Variants in SORCS2 observed in about 807,000 individuals in gnomAD.
SORCS2 encodes the protein sortilin related VPS10 domain containing receptor 2, also known as VPS10 domain-containing receptor SorCS2.
SORCS2 carries 100 observed loss-of-function variants against 141.6 expected under a neutral mutation model. That is an observed-to-expected ratio of 0.71 (90% CI 0.60 to 0.83). SORCS2 has a LOEUF of 0.83. Ranked by LOEUF, SORCS2 falls within the 40% of genes least tolerant of loss-of-function variation. SORCS2 has a pLI of 0.00. For missense variants in SORCS2, 1,646 were observed against 1,560.2 expected, an observed-to-expected ratio of 1.05 and a Z score of -0.93; for synonymous variants, 789 against 676.9, an observed-to-expected ratio of 1.17 and a Z score of -2.57.
At chr4:7,720,177 G>A (rs1726494608) in intron 18 of SORCS2, among the ~76,000 whole-genome samples, 1 of 152,266 alleles carries the variant, frequency 6.6e-6, no homozygotes, top group South Asian at 2.1e-4. Context: ...ACTGGGTTTA[G>A]GGGAGTCTAA....
At chr4:7,528,037 CTCTCTGTCTCTCTCTG>C (rs1560358737) in intron 2 of SORCS2, among the ~76,000 whole-genome samples, 7 of 149,460 alleles carry the variant, frequency 4.7e-5, no homozygotes, top group Non-Finnish European at 1.0e-4. Flanking sequence ...CTCTGTCTCT[CTCTCTGTCTCTCTCTG>C]TCTCTCTCTC....
At chr4:7,590,846 T>C (rs1716869667) in intron 3 of SORCS2, among the ~76,000 whole-genome samples, 1 of 152,252 alleles carries the variant, frequency 6.6e-6, no homozygotes, top group African/African-American at 2.4e-5. Flanking sequence ...AAATGTGTCT[T>C]GTGTTAGACC....
chr4:7,426,611 A>T (rs1213110550), intron 2 of SORCS2, among the ~76,000 whole-genome samples: 1 of 152,124 alleles, frequency 6.6e-6, no homozygotes, highest in African/African-American at 2.4e-5. Flanking sequence ...CCCGATGGAA[A>T]TAGCACATGT....
At chr4:7,724,480 G>GTGATGA (rs147164731) in intron 19 of SORCS2, among the ~76,000 whole-genome samples, 762 of 71,462 alleles carry the variant, frequency 0.011, 30 homozygotes, top group Non-Finnish European at 0.013. Context: ...GGTGATGGTG[G>GTGATGA]TGATGGTGGT....
intron 22 of SORCS2, among the ~76,000 whole-genome samples, chr4:7,728,964 G>A (rs1192512625): frequency 6.6e-6 from 1 of 152,190 alleles, no homozygotes; most frequent in Admixed American, 6.5e-5. Context: ...GCCACCTGAG[G>A]CTATCACAGG....
chr4:7,578,606 G>A (rs1413230392), intron 3 of SORCS2, among the ~76,000 whole-genome samples: 1 of 152,188 alleles, frequency 6.6e-6, no homozygotes, highest in Non-Finnish European at 1.5e-5. Context: ...TACATGTAAA[G>A]TGTGTCTAAT....
chr4:7,659,659 C>A (rs1722026010), intron 5 of SORCS2, among the ~76,000 whole-genome samples: 1 of 152,154 alleles, frequency 6.6e-6, no homozygotes, highest in African/African-American at 2.4e-5. Flanking sequence ...ACTGGAAAAG[C>A]CAGGAGAGAG....
rs57093115 is a variant in SORCS2 at position 7,303,610 on chromosome 4, C to T, written c.481-92678C>T. ...GGCGTTTGGTGATGGTCTTGGCACC[C>T]TGCAAACCATTCTGGGAGCTGAGGT... On this transcript the variant is annotated intron_variant, in intron 1 of 26. Coordinates refer to ENST00000507866, the MANE Select transcript of SORCS2 (RefSeq NM_020777.3). 3.9e-3 allele frequency among the ~76,000 whole-genome samples: 588 copies of T among 152,328 alleles called. 7 individuals carry two copies. Among genetic ancestry groups the T allele is most frequent in the African/African-American group, 0.013 (556 of 41,570 alleles).
chr4:7,607,019 G>A (rs756329728), intron 3 of SORCS2, among the ~76,000 whole-genome samples: 7 of 152,134 alleles, frequency 4.6e-5, no homozygotes, highest in Non-Finnish European at 8.8e-5. Context: ...TCTCTGAAGC[G>A]ATTTCACTAC....
chr4:7,626,070 C>T (rs1302630991), intron 3 of SORCS2, among the ~76,000 whole-genome samples: 1 of 152,008 alleles, frequency 6.6e-6, no homozygotes, highest in Non-Finnish European at 1.5e-5. Context: ...TGGCTTAAGT[C>T]CAGGAGGCAG....
intron 8 of SORCS2, among the ~76,000 whole-genome samples, chr4:7,672,090 C>A (rs929521801): frequency 6.6e-6 from 1 of 151,892 alleles, no homozygotes; most frequent in African/African-American, 2.4e-5. Flanking sequence ...ATTACAGGTG[C>A]CTGCCACCAT....
chr4:7,356,721 C>T lies in SORCS2; in HGVS notation c.481-39567C>T, dbSNP rs112256299. Among the ~76,000 whole-genome samples, 1,296 of 152,352 alleles carry T rather than the reference C, an allele frequency of 8.5e-3. 19 individuals are homozygous for T. Among genetic ancestry groups the T allele is most frequent in the African/African-American group, 0.03 (1,235 of 41,576 alleles). On this transcript the variant is annotated intron_variant, in intron 1 of 26. Coordinates refer to ENST00000507866, the MANE Select transcript of SORCS2 (RefSeq NM_020777.3). ...GCCCCTCTCTGTGCTGTAACATAGG[C>T]TTCATAAGTGCAGGCCTGGCTGTCC...
intron 1 of SORCS2, among the ~76,000 whole-genome samples, chr4:7,390,403 C>T (rs114739786): frequency 2.5e-3 from 379 of 152,264 alleles, no homozygotes; most frequent in African/African-American, 8.7e-3. Context: ...ACGTTTCTTG[C>T]TTCTTGTCTT....
intron 11 of SORCS2, among the ~76,000 whole-genome samples, chr4:7,695,708 A>G (rs866751513): frequency 0.044 from 56 of 1,282 alleles, 2 homozygotes; most frequent in Non-Finnish European, 0.1. Flanking sequence ...GGGTGGGTGG[A>G]TGGATGGATG....
chr4:7,193,001 C>T lies in SORCS2; in HGVS notation c.355C>T (p.Arg119Trp), dbSNP rs1423236784. The T allele has an allele frequency of 2.8e-6, 4 of 1,454,368 alleles. No individual in the cohort carries two copies. Among genetic ancestry groups the T allele is most frequent in the Admixed American group, 2.6e-5 (1 of 37,932 alleles). 90.1% of individuals were successfully genotyped at this position (1,454,368 alleles called of 1,614,324 possible). A position where few individuals can be genotyped will look rare whatever the true frequency, so the allele number is the denominator to read the frequency against. Residue 119 changes from arginine to tryptophan, a missense_variant, in exon 1 of 27, where the codon CGG (arginine) becomes TGG (tryptophan). Transcript: ENST00000507866. This position sits in a 1 kb window ranked among gnomAD's most constrained non-coding sequence, Gnocchi z 4.8. ...APAAGYRRWE[R>W]AAPLAGVASR... The stretch of plus-strand genomic sequence containing the variant: ...CGCCGCGGGCTACCGGCGCTGGGAG[C>T]GGGCGGCGCCGCTGGCCGGAGTGGC...
chr4:7,666,181 A>G (rs1293245902), intron 7 of SORCS2, among the ~76,000 whole-genome samples: 1 of 152,104 alleles, frequency 6.6e-6, no homozygotes, highest in Non-Finnish European at 1.5e-5. Flanking sequence ...GCCCTTGCTC[A>G]TCTCAGCCAG....
chr4:7,654,066 C>A, intron 4 of SORCS2, 68 bp from the exon 5 acceptor site: 24 of 1,379,276 alleles, frequency 1.7e-5, no homozygotes, highest in Non-Finnish European at 2.4e-5. Flanking sequence ...GAAGACATCA[C>A]CCTCTCTCAG....
intron 1 of SORCS2, among the ~76,000 whole-genome samples, chr4:7,276,724 G>A (rs1313346047): frequency 6.6e-6 from 1 of 152,174 alleles, no homozygotes; most frequent in Non-Finnish European, 1.5e-5. Flanking sequence ...TCCTGAATGC[G>A]ATTTAGAAGG....
chr4:7,280,204 G>A (rs558517174), intron 1 of SORCS2, among the ~76,000 whole-genome samples: 10 of 152,100 alleles, frequency 6.6e-5, no homozygotes, highest in Admixed American at 2.6e-4. Flanking sequence ...ACTTCATCCC[G>A]GGTACCCACA....
Sources: gnomAD v4.1 joint callset for allele counts (sites outside exome capture counted in the v4.1 genomes callset) on GRCh38, gnomAD v4.1.1 for gene constraint, Gnocchi (gnomAD v3.1) non-coding constraint, MANE v1.5 for transcripts, NCBI Gene and HGNC (gene_info 2026-07-23, HGNC 2026-07-21) for gene names.